The following NCOR2 variants were observed in gnomAD, a reference collection of about 807,000 sequenced individuals.
NCOR2 encodes the protein nuclear receptor corepressor 2, also known as CTG repeat protein 26.
In NCOR2, 81 loss-of-function variants were observed where a neutral mutation model predicts 262.9. The observed-to-expected ratio is 0.31, with a 90% confidence interval of 0.26 to 0.37. The LOEUF is 0.37. NCOR2 is among the 10% of genes least tolerant of loss of function. The pLI, the probability that NCOR2 is intolerant of heterozygous loss-of-function variation, is 1.00. For synonymous variants in NCOR2, 1,659 were observed against 1,559.3 expected, an observed-to-expected ratio of 1.06 and a Z score of -1.51; for missense variants, 3,385 against 3,621.4, an observed-to-expected ratio of 0.93 and a Z score of 1.68.
At chr12:124,535,978 C>T (rs2051102468), upstream of NCOR2, among the ~76,000 whole-genome samples, 1 of 152,152 alleles carries the variant, frequency 6.6e-6, no homozygotes, top group Non-Finnish European at 1.5e-5. Context: ...CCAGAGGACC[C>T]CACAAACAGG....
chr12:124,526,978 GAA>G (rs2137124546), intron 1 of NCOR2, among the ~76,000 whole-genome samples: 1 of 152,348 alleles, frequency 6.6e-6, no homozygotes, highest in South Asian at 2.1e-4. Context: ...CGCTGAAAGA[GAA>G]AGAGAAGATC....
Position 124,555,884 on chromosome 12 carries a change from G to A in NCOR2, c.-165+11424C>T, listed in dbSNP as rs557778965. 2.6e-5 allele frequency: 4 copies of A among 152,352 alleles called. No individual in the cohort carries two copies. In the East Asian group the frequency reaches 5.8e-4, roughly 22 times the overall value. The allele number at this position is 152,352 out of a possible 1,614,324, so 9.4% of individuals were successfully genotyped here. ...AAATTGGCAAAGGGAACACCCACACGGCAAACTGAAAACAGTAAGCACTGG... is the reference window on the plus strand; with the variant it reads ...AAATTGGCAAAGGGAACACCCACACAGCAAACTGAAAACAGTAAGCACTGG... On this transcript the variant is annotated intron_variant, in intron 1 of 32. Transcript: ENST00000458234.
intron 1 of NCOR2, among the ~76,000 whole-genome samples, chr12:124,515,438 C>G (rs2049677370): frequency 6.6e-6 from 1 of 151,660 alleles, no homozygotes. Flanking sequence ...CAGCCTCCCC[C>G]AAGAATAACA....
chr12:124,521,612 C>T (rs975859923), intron 1 of NCOR2, among the ~76,000 whole-genome samples: 1 of 152,050 alleles, frequency 6.6e-6, no homozygotes, highest in Non-Finnish European at 1.5e-5. Flanking sequence ...GAGGCGGCAA[C>T]GTGAAGTGAC....
chr12:124,541,934 G>A, intron 1 of NCOR2, among the ~76,000 whole-genome samples: 1 of 146,682 alleles, frequency 6.8e-6, no homozygotes, highest in Non-Finnish European at 1.5e-5. Flanking sequence ...GATGGGGAGT[G>A]GAGAGCTGGA....
chr12:124,411,049 G>C (rs1216097591), intron 13 of NCOR2, among the ~76,000 whole-genome samples: 4 of 141,688 alleles, frequency 2.8e-5, no homozygotes, highest in Admixed American at 7.2e-5. Context: ...GGGCGGGGGA[G>C]GAGGAAGAGG....
chr12:124,523,894 A>G lies in NCOR2; in HGVS notation c.-118+11671T>C, dbSNP rs139252645. Among the ~76,000 whole-genome samples the G allele has an allele frequency of 1.4e-3, 210 of 152,316 alleles. No homozygotes were observed. In the South Asian group the frequency reaches 0.022, roughly 16 times the overall value. ...TGAACTCAGCAAGTGTGAAACCCGC[A>G]TCTACGACACTAACCACTAGACTAT... On this transcript the variant is annotated intron_variant, in intron 1 of 46. Transcript: ENST00000404621. The surrounding 1 kb of genome is among the most constrained non-coding windows in gnomAD (Gnocchi z 4.0).
intron 18 of NCOR2, among the ~76,000 whole-genome samples, chr12:124,377,566 T>C (rs4765558): frequency 0.67 from 102,505 of 151,962 alleles, 35,418 homozygotes; most frequent in Middle Eastern, 0.76. Context: ...GGGCCTGACG[T>C]GGTGACTCAC....
At chr12:124,477,782 G>A (rs555363840) in intron 3 of NCOR2, among the ~76,000 whole-genome samples, 41 of 152,316 alleles carry the variant, frequency 2.7e-4, no homozygotes, top group African/African-American at 9.4e-4. Context: ...CAAAGCTGCA[G>A]GGAACAAAAC....
At chr12:124,528,068 C>G (rs774529820) in intron 1 of NCOR2, among the ~76,000 whole-genome samples, 5 of 152,152 alleles carry the variant, frequency 3.3e-5, no homozygotes, top group African/African-American at 1.2e-4. Flanking sequence ...GCGGAACAGA[C>G]GTCATCCCTT....
exon 44 of NCOR2, chr12:124,330,850 C>G (rs1399848796): frequency 6.3e-7 from 1 of 1,577,840 alleles, no homozygotes; most frequent in Admixed American, 1.8e-5. Flanking sequence ...GTTACCTGTT[C>G]CGGTGATGGC....
exon 30 of NCOR2, chr12:124,347,864 G>A (rs1486752192): frequency 1.3e-6 from 2 of 1,569,028 alleles, no homozygotes; most frequent in South Asian, 1.2e-5. Context: ...TGCTCTTTGA[G>A]GTGGTGGGGG....
At chr12:124,376,144 G>A (rs1181875605) in intron 18 of NCOR2, among the ~76,000 whole-genome samples, 2 of 152,142 alleles carry the variant, frequency 1.3e-5, no homozygotes. Context: ...GCTTAATCAG[G>A]GCCTCTCACC....
At chr12:124,388,785 G>GCCGCGGTC (rs2041021834) in intron 16 of NCOR2, 1 of 1,303,142 alleles carries the variant, frequency 7.7e-7, no homozygotes, top group Non-Finnish European at 1.0e-6. Context: ...AGGCTGGGCG[G>GCCGCGGTC]CCGCGGTCGG....
chr12:124,392,897 C>T (rs1192220197), intron 16 of NCOR2, among the ~76,000 whole-genome samples: 1 of 152,218 alleles, frequency 6.6e-6, no homozygotes, highest in East Asian at 1.9e-4. Context: ...TGGGGGAGGC[C>T]TCTGGGGTCT....
Position 124,354,080 on chromosome 12 carries a change from C to G in NCOR2, c.3693+13G>C, listed in dbSNP as rs376125096. 19 of 1,604,798 alleles carry G rather than the reference C, an allele frequency of 1.2e-5. No individual in the cohort carries two copies. Among genetic ancestry groups the G allele is most frequent in the African/African-American group, 4.0e-5 (3 of 74,782 alleles). The stretch of plus-strand genomic sequence containing the variant: ...TCCCAACCGTCCTTCCTGCCGCACC[C>G]CAGGACACCTACGTGGGTGATGGAG... On this transcript the variant is annotated intron_variant, in intron 27 of 46. Coordinates refer to ENST00000405201, the Ensembl canonical transcript of NCOR2.
intron 24 of NCOR2, 32 bp from the exon 27 acceptor site, chr12:124,354,971 CA>C: frequency 6.3e-7 from 1 of 1,577,710 alleles, no homozygotes; most frequent in Non-Finnish European, 8.7e-7. Context: ...GTCACAGGGG[CA>C]CCCTGGTCCC....
At chr12:124,474,965 C>T (rs1444869876) in intron 3 of NCOR2, among the ~76,000 whole-genome samples, 1 of 152,046 alleles carries the variant, frequency 6.6e-6, no homozygotes, top group African/African-American at 2.4e-5. Context: ...ACCGAGTGCC[C>T]CACCAACCTC....
At chr12:124,561,937 G>A (rs1422051619) in intron 1 of NCOR2, 7 of 152,230 alleles carry the variant, frequency 4.6e-5, no homozygotes, top group African/African-American at 1.4e-4. Flanking sequence ...GTTAATTTGA[G>A]CCCAGGAGTT....
Sources: allele counts gnomAD v4.1 joint callset (sites outside exome capture counted in the v4.1 genomes callset), GRCh38; gene constraint gnomAD v4.1.1; non-coding constraint Gnocchi (gnomAD v3.1); transcripts MANE v1.5; gene names NCBI Gene and HGNC (gene_info 2026-07-23, HGNC 2026-07-21).